MAPK14: variants seen among roughly 807,000 people sequenced by gnomAD.
MAPK14 encodes the protein CSAID-binding protein.
A neutral mutation model predicts 49.6 loss-of-function variants in MAPK14; 16 were observed. The ratio of observed to expected loss-of-function variants is 0.32; its 90% confidence interval spans 0.22 to 0.49. The LOEUF is 0.49. Ranked by LOEUF, MAPK14 falls within the 20% of genes least tolerant of loss-of-function variation. The probability of loss-of-function intolerance (pLI) is 0.99; values close to 1 mark genes in which losing one functional copy is unlikely to be tolerated. For synonymous variants in MAPK14, 142 were observed against 158.0 expected (o/e 0.90, Z 0.76); for missense variants, 200 against 441.2 (o/e 0.45, Z 4.90).
intron 3 of MAPK14, among the ~76,000 whole-genome samples, chr6:36,072,428 G>A (rs1035613234): frequency 4.6e-5 from 7 of 152,044 alleles, no homozygotes; most frequent in African/African-American, 1.4e-4. Context: ...AGCTGTCATC[G>A]TGGTACAGCT....
the MAPK14 span, among the ~76,000 whole-genome samples, chr6:36,120,922 C>T: frequency 2.2e-3 from 339 of 152,296 alleles, 3 homozygotes; most frequent in Admixed American, 3.6e-3. Flanking sequence ...ATAAGACACT[C>T]GTGCCCTCAA....
intron 1 of MAPK14, among the ~76,000 whole-genome samples, chr6:36,039,654 A>G (rs1426586561): frequency 5.3e-5 from 8 of 152,168 alleles, no homozygotes; most frequent in Non-Finnish European, 7.3e-5. Flanking sequence ...CCAGTGCACT[A>G]TACTAGATAT....
At chr6:36,098,612 T>C (rs1479577545) in intron 9 of MAPK14, among the ~76,000 whole-genome samples, 2 of 152,158 alleles carry the variant, frequency 1.3e-5, no homozygotes, top group African/African-American at 4.8e-5. Context: ...CCTCCAGAAA[T>C]AGAATCTTTC....
At chr6:36,047,976 T>C (rs1381547436) in intron 1 of MAPK14, among the ~76,000 whole-genome samples, 2 of 152,068 alleles carry the variant, frequency 1.3e-5, no homozygotes, top group Non-Finnish European at 2.9e-5. Flanking sequence ...ACTCCTAACC[T>C]TAGCCTCCCA....
chr6:36,088,031 A>ACC (rs1220108431), intron 8 of MAPK14, among the ~76,000 whole-genome samples: 18 of 152,218 alleles, frequency 1.2e-4, no homozygotes, highest in African/African-American at 4.1e-4. Context: ...TGGGGAAAGG[A>ACC]TTCCCTATTT....
intron 2 of MAPK14, among the ~76,000 whole-genome samples, chr6:36,055,703 G>A (rs1273969791): frequency 6.6e-6 from 1 of 151,586 alleles, no homozygotes. Flanking sequence ...AGGCCAAGGT[G>A]GGTGGATTGC....
intron 8 of MAPK14, among the ~76,000 whole-genome samples, chr6:36,094,303 G>T (rs964207389): frequency 6.6e-6 from 1 of 152,302 alleles, no homozygotes; most frequent in East Asian, 1.9e-4. Flanking sequence ...GGGGTTTGGC[G>T]CACCTTTTCT....
intron 9 of MAPK14, among the ~76,000 whole-genome samples, 198 bp from the exon 10 acceptor site, chr6:36,102,373 C>T (rs1287407028): frequency 8.8e-6 from 1 of 114,106 alleles, no homozygotes; most frequent in African/African-American, 4.1e-5. Flanking sequence ...TGAGAGATAG[C>T]AGGAATAAAG....
intron 1 of MAPK14, among the ~76,000 whole-genome samples, chr6:36,037,944 G>A (rs73407845): frequency 0.025 from 3,793 of 152,106 alleles, 139 homozygotes; most frequent in African/African-American, 0.086. Context: ...GGAAGTTGAG[G>A]CTGTAGTGAG....
intron 9 of MAPK14, among the ~76,000 whole-genome samples, chr6:36,101,327 A>G (rs942732121): frequency 3.3e-5 from 5 of 152,156 alleles, no homozygotes; most frequent in Non-Finnish European, 5.9e-5. Flanking sequence ...AGTCCCAGCT[A>G]CTTGGGAAGC....
intron 3 of MAPK14, among the ~76,000 whole-genome samples, chr6:36,064,270 G>GCCCCCCCC (rs3045917): frequency 5.6e-5 from 7 of 124,760 alleles, no homozygotes; most frequent in Non-Finnish European, 1.0e-4. Flanking sequence ...GAGCCACCAT[G>GCCCCCCCC]CCCCCCCCCA....
chr6:36,073,162 A>T, intron 4 of MAPK14, 178 bp downstream of exon 4: 1 of 593,212 alleles, frequency 1.7e-6, no homozygotes, highest in Non-Finnish European at 3.0e-6. Flanking sequence ...ACAGTTACCG[A>T]CATATGGCCA....
intron 3 of MAPK14, among the ~76,000 whole-genome samples, chr6:36,062,991 T>A (rs1317149556): frequency 6.6e-6 from 1 of 152,176 alleles, no homozygotes; most frequent in East Asian, 1.9e-4. Flanking sequence ...ATACGTGTAT[T>A]TGTCCCTTTA....
In MAPK14 at chr6:36,063,919, T is replaced by C. The variant is rs1385301831; in HGVS notation, c.305+4572T>C. 5.3e-5 allele frequency among the ~76,000 whole-genome samples: 8 copies of C among 152,330 alleles called. No homozygotes were observed. The East Asian group carries it at 1.5e-3, about 29-fold the overall frequency. ...CTTTCTGTTGGCTTCTTGATAGTAA[T>C]GTTTGGCAAGATACTGCATGCATAT... On this transcript the variant is annotated intron_variant, in intron 3 of 11. Coordinates refer to ENST00000229794, the MANE Select transcript of MAPK14 (RefSeq NM_139012.3).
intron 1 of MAPK14, among the ~76,000 whole-genome samples, chr6:36,041,023 T>G (rs1714217826): frequency 1.3e-5 from 2 of 152,198 alleles, no homozygotes; most frequent in African/African-American, 2.4e-5. Context: ...ATCTTGTGGA[T>G]CTCAGGTAGC....
chr6:36,070,575 C>CA (rs1395316758), intron 3 of MAPK14, among the ~76,000 whole-genome samples: 1 of 152,174 alleles, frequency 6.6e-6, no homozygotes, highest in Non-Finnish European at 1.5e-5. Context: ...TAAAACGTTT[C>CA]AGTCTCATTT....
At chr6:36,115,539 C>T (rs1766045577), downstream of MAPK14, among the ~76,000 whole-genome samples, 2 of 151,858 alleles carry the variant, frequency 1.3e-5, no homozygotes, top group South Asian at 2.1e-4. Context: ...AATCCCGGCA[C>T]TTTGGGAGGC....
chr6:36,102,823 C>T (rs759482544), intron 10 of MAPK14, 174 bp downstream of exon 10: 1 of 1,090,670 alleles, frequency 9.2e-7, no homozygotes, highest in Non-Finnish European at 1.3e-6. Context: ...TTTTTAATCA[C>T]ATGAGATGAT....
At chr6:36,099,888 C>T (rs1187991868) in intron 9 of MAPK14, among the ~76,000 whole-genome samples, 2 of 152,126 alleles carry the variant, frequency 1.3e-5, no homozygotes, top group South Asian at 2.1e-4. Flanking sequence ...TGGCTGGCAT[C>T]CTGGATCAAG....
Sources: allele counts gnomAD v4.1 joint callset (sites outside exome capture counted in the v4.1 genomes callset), GRCh38; gene constraint gnomAD v4.1.1; transcripts MANE v1.5; gene names NCBI Gene and HGNC (gene_info 2026-07-23, HGNC 2026-07-21).